The following TENM2 variants were observed in gnomAD, a reference collection of about 807,000 sequenced individuals.
The protein encoded by TENM2 is teneurin-2.
TENM2 carries 52 observed loss-of-function variants against 245.2 expected under a neutral mutation model. That is an observed-to-expected ratio of 0.21 (90% CI 0.17 to 0.27). TENM2 has a LOEUF of 0.27. TENM2 is among the 10% of genes least tolerant of loss of function. The pLI, the probability that TENM2 is intolerant of heterozygous loss-of-function variation, is 1.00. For synonymous variants in TENM2, 1,363 were observed against 1,438.9 expected (o/e 0.95, Z 1.19); for missense variants, 3,046 against 3,666.8 (o/e 0.83, Z 4.37).
chr5:167,810,969 C>T (rs1766592205), intron 2 of TENM2, among the ~76,000 whole-genome samples: 1 of 152,092 alleles, frequency 6.6e-6, no homozygotes, highest in Non-Finnish European at 1.5e-5. Context: ...TGGATATCAC[C>T]CTGGTACATA....
At chr5:167,044,307 GC>G in the TENM2 span, among the ~76,000 whole-genome samples, 1 of 152,138 alleles carries the variant, frequency 6.6e-6, no homozygotes, top group Non-Finnish European at 1.5e-5. Flanking sequence ...AAGTATGATG[GC>G]TCCAGCATCT....
intron 2 of TENM2, among the ~76,000 whole-genome samples, chr5:167,867,779 C>T (rs964625816): frequency 1.3e-5 from 2 of 152,310 alleles, no homozygotes; most frequent in African/African-American, 2.4e-5. Context: ...CTCTGAATCT[C>T]CTGCCTCCAT....
chr5:168,199,051 C>T (rs755183236), exon 16 of TENM2: 6 of 1,613,964 alleles, frequency 3.7e-6, no homozygotes, highest in Non-Finnish European at 5.1e-6. Flanking sequence ...TCATCATCTC[C>T]TCCCCACTGT....
chr5:167,708,311 T>G (rs138304033), intron 2 of TENM2, among the ~76,000 whole-genome samples: 1 of 152,142 alleles, frequency 6.6e-6, no homozygotes, highest in Non-Finnish European at 1.5e-5. Flanking sequence ...ATATACTGTA[T>G]TATCAAAATC....
chr5:167,295,063 A>G (rs142991081), intron 1 of TENM2, among the ~76,000 whole-genome samples: 14 of 152,284 alleles, frequency 9.2e-5, no homozygotes, highest in East Asian at 1.9e-4. Flanking sequence ...TATGACTCCT[A>G]TGAATAGGGA....
chr5:167,302,565 T>A (rs1412933208), intron 1 of TENM2, among the ~76,000 whole-genome samples: 3 of 146,410 alleles, frequency 2.0e-5, no homozygotes, highest in Non-Finnish European at 1.5e-5. Flanking sequence ...GGTCGGGGCG[T>A]GGAAATAAGG....
intron 2 of TENM2, among the ~76,000 whole-genome samples, chr5:167,580,526 C>A (rs1775014523): frequency 6.6e-6 from 1 of 152,202 alleles, no homozygotes; most frequent in African/African-American, 2.4e-5. Flanking sequence ...TTGACCCACA[C>A]ACTGAAAGCC....
chr5:168,133,191 T>C (rs907651177), intron 12 of TENM2, among the ~76,000 whole-genome samples: 1 of 152,206 alleles, frequency 6.6e-6, no homozygotes, highest in Non-Finnish European at 1.5e-5. Context: ...TGAATAGTCA[T>C]GTAGGGCTTT....
chr5:167,805,027 A>C (rs1426188879), intron 2 of TENM2, among the ~76,000 whole-genome samples: 2 of 152,132 alleles, frequency 1.3e-5, no homozygotes, highest in Non-Finnish European at 2.9e-5. Flanking sequence ...GTGACTCTGC[A>C]CCTGGGAATG....
intron 2 of TENM2, among the ~76,000 whole-genome samples, chr5:167,678,414 G>A (rs1756479788): frequency 6.6e-6 from 1 of 152,060 alleles, no homozygotes; most frequent in African/African-American, 2.4e-5. Flanking sequence ...AGTGGCAATG[G>A]TATATAGTGC....
chr5:167,969,677 G>A (rs1001470290), intron 4 of TENM2, among the ~76,000 whole-genome samples: 4 of 152,118 alleles, frequency 2.6e-5, no homozygotes, highest in Non-Finnish European at 4.4e-5. Context: ...TTCTACCATC[G>A]CTGTTATGTA....
intron 2 of TENM2, among the ~76,000 whole-genome samples, chr5:167,517,017 T>C (rs894771667): frequency 6.6e-6 from 1 of 152,248 alleles, no homozygotes; most frequent in African/African-American, 2.4e-5. Flanking sequence ...AATGTGAATT[T>C]TAACCAACTT....
At chr5:167,848,145 C>T (rs1770222345) in intron 2 of TENM2, among the ~76,000 whole-genome samples, 1 of 152,148 alleles carries the variant, frequency 6.6e-6, no homozygotes. Flanking sequence ...GAGAAATAGA[C>T]TTCAGTGGAC....
chr5:167,280,191 C>T (rs908853982), upstream of TENM2, among the ~76,000 whole-genome samples: 3 of 152,144 alleles, frequency 2.0e-5, no homozygotes, highest in African/African-American at 7.2e-5. Flanking sequence ...GAAGTTCTGG[C>T]TCCCCATGAG....
At chr5:167,285,055 C>T in exon 1 of TENM2, 1 of 1,551,712 alleles carries the variant, frequency 6.4e-7, no homozygotes, top group Non-Finnish European at 8.7e-7. Flanking sequence ...GATGAGTTTC[C>T]TAGACAAGGT....
At chr5:167,208,915 A>G in the TENM2 span, among the ~76,000 whole-genome samples, 3 of 152,352 alleles carry the variant, frequency 2.0e-5, no homozygotes, top group South Asian at 6.2e-4. Flanking sequence ...GAATGAGAAC[A>G]TAGTTACTCA....
At chr5:167,710,568 T>G (rs1467393804) in intron 2 of TENM2, among the ~76,000 whole-genome samples, 1 of 152,044 alleles carries the variant, frequency 6.6e-6, no homozygotes. Flanking sequence ...AATGAAGGTG[T>G]GACAATGAGA....
In TENM2 at chr5:167,428,383, A is replaced by C. The variant is rs368495295; in HGVS notation, c.502+52910A>C. Reference sequence around the variant, plus strand: ...ACTTCTACAGGTTATTGAAATTCTTAAAGACTGCTATTGTGTTTTTTTAAA... The same window carrying C: ...ACTTCTACAGGTTATTGAAATTCTTCAAGACTGCTATTGTGTTTTTTTAAA... On this transcript the variant is annotated intron_variant, in intron 2 of 28. Transcript: ENST00000518659. 2.0e-5 allele frequency among the ~76,000 whole-genome samples: 3 copies of C among 152,314 alleles called. No individual in the cohort carries two copies. The South Asian group carries it at 6.2e-4, about 32-fold the overall frequency.
intron 7 of TENM2, among the ~76,000 whole-genome samples, chr5:168,064,355 T>C (rs1386011602): frequency 6.6e-6 from 1 of 152,180 alleles, no homozygotes; most frequent in African/African-American, 2.4e-5. Context: ...ACCAGTTGCA[T>C]GCAAGGAGCT....
Sources: allele counts gnomAD v4.1 joint callset (sites outside exome capture counted in the v4.1 genomes callset), GRCh38; gene constraint gnomAD v4.1.1; transcripts MANE v1.5; gene names NCBI Gene and HGNC (gene_info 2026-07-23, HGNC 2026-07-21).